The following CCDC91 variants were observed in gnomAD, a reference collection of about 807,000 sequenced individuals.
CCDC91 encodes the protein coiled-coil domain-containing protein 91.
Under a neutral mutation model 63.2 loss-of-function variants are expected in CCDC91, and 48 were observed. The observed-to-expected ratio is 0.76, with a 90% CI of 0.60 to 0.97. The LOEUF is 0.97. Among genes scored for constraint, CCDC91 ranks in the 50% least tolerant of loss-of-function variants. CCDC91 has a pLI of 0.00. For synonymous variants in CCDC91, 167 were observed against 165.8 expected (o/e 1.01, Z -0.06); for missense variants, 500 against 494.6 (o/e 1.01, Z -0.10).
At chr12:28,498,687 C>T (rs1343100235) in intron 12 of CCDC91, among the ~76,000 whole-genome samples, 1 of 151,650 alleles carries the variant, frequency 6.6e-6, no homozygotes. Context: ...TTTATAGTAT[C>T]ACTACTCTAT....
intron 6 of CCDC91, among the ~76,000 whole-genome samples, chr12:28,359,093 A>G (rs1218362747): frequency 6.6e-6 from 1 of 152,122 alleles, no homozygotes; most frequent in East Asian, 1.9e-4. Flanking sequence ...ACAGGGTTTC[A>G]CTATGTTGGC....
chr12:28,323,599 A>G (rs1403470411), intron 6 of CCDC91, among the ~76,000 whole-genome samples: 2 of 151,962 alleles, frequency 1.3e-5, no homozygotes, highest in African/African-American at 4.8e-5. Context: ...GTTACTCTTA[A>G]CAGTTGAATT....
intron 6 of CCDC91, among the ~76,000 whole-genome samples, chr12:28,331,620 C>T (rs1941520010): frequency 6.6e-6 from 1 of 152,136 alleles, no homozygotes; most frequent in African/African-American, 2.4e-5. Context: ...CAGTTCTTTA[C>T]CCAGAGCTAG....
intron 11 of CCDC91, among the ~76,000 whole-genome samples, chr12:28,453,628 G>A (rs1949919958): frequency 1.3e-5 from 2 of 150,682 alleles, no homozygotes; most frequent in Admixed American, 1.3e-4. Context: ...AATAACAGTA[G>A]TACAGTAGCA....
intron 12 of CCDC91, among the ~76,000 whole-genome samples, chr12:28,491,962 G>GGTGTGTGTGT (rs56946212): frequency 4.1e-5 from 6 of 146,786 alleles, no homozygotes; most frequent in Non-Finnish European, 9.0e-5. Flanking sequence ...AAGGTGTTGG[G>GGTGTGTGTGT]GTGTGTGTGT....
intron 3 of CCDC91, among the ~76,000 whole-genome samples, chr12:28,298,111 C>T (rs1430837232): frequency 2.4e-5 from 3 of 124,544 alleles, no homozygotes; most frequent in African/African-American, 8.3e-5. Flanking sequence ...TTTTCTTTCA[C>T]AGATGCTATT....
intron 6 of CCDC91, among the ~76,000 whole-genome samples, chr12:28,312,416 C>G (rs1315191673): frequency 6.6e-6 from 1 of 151,864 alleles, no homozygotes; most frequent in Non-Finnish European, 1.5e-5. Flanking sequence ...ACTGTAAATA[C>G]CTGATTCAGG....
At chr12:28,525,226 A>G (rs1006852883) in intron 12 of CCDC91, among the ~76,000 whole-genome samples, 5 of 152,010 alleles carry the variant, frequency 3.3e-5, no homozygotes, top group Non-Finnish European at 2.9e-5. Flanking sequence ...ACTCTTTGAT[A>G]TAGGCGTTTA....
At chr12:28,339,365 A>G (rs1236361327) in intron 6 of CCDC91, among the ~76,000 whole-genome samples, 8 of 151,762 alleles carry the variant, frequency 5.3e-5, no homozygotes, top group Non-Finnish European at 7.4e-5. Flanking sequence ...ATCCAGTTAG[A>G]TAGTTGAATA....
At chr12:28,441,687 G>A (rs1413323344) in intron 8 of CCDC91, among the ~76,000 whole-genome samples, 1 of 144,600 alleles carries the variant, frequency 6.9e-6, no homozygotes, top group African/African-American at 2.5e-5. Context: ...TATCTCATGT[G>A]TATATATATA....
intron 7 of CCDC91, among the ~76,000 whole-genome samples, chr12:28,370,810 C>T (rs980023068): frequency 1.5e-4 from 22 of 147,616 alleles, no homozygotes; most frequent in Non-Finnish European, 1.5e-4. Flanking sequence ...GCACCTTCTT[C>T]GCAAGACAGC....
intron 6 of CCDC91, among the ~76,000 whole-genome samples, chr12:28,308,347 C>T (rs1366324380): frequency 6.6e-6 from 1 of 152,014 alleles, no homozygotes; most frequent in Non-Finnish European, 1.5e-5. Flanking sequence ...CATTATTTCT[C>T]CCTTGGATTA....
rs938631710 is a variant in CCDC91, at chr12:28,483,971, G to C, written c.1102-81G>C. Reference sequence around the variant, plus strand: ...AGAATGAGCTGAAACCCGCTGAAGAGGATGTTTAGTTTATATGAAATGGAC... The same window carrying C: ...AGAATGAGCTGAAACCCGCTGAAGACGATGTTTAGTTTATATGAAATGGAC... On this transcript the variant is annotated intron_variant, in intron 11 of 12. Transcript: ENST00000536442. The C allele has an allele frequency of 1.4e-5, 10 of 717,710 alleles. No homozygotes were observed. In the African/African-American group the frequency reaches 1.8e-4, roughly 13 times the overall value. 44.5% of individuals were successfully genotyped at this position (717,710 alleles called of 1,614,324 possible). A position where few individuals can be genotyped will look rare whatever the true frequency, so the allele number is the denominator to read the frequency against.
At chr12:28,394,262 T>C (rs150570404) in intron 8 of CCDC91, among the ~76,000 whole-genome samples, 3,848 of 152,194 alleles carry the variant, frequency 0.025, 55 homozygotes, top group Non-Finnish European at 0.035. Context: ...GTCAGAAGAT[T>C]GAGACCATCC....
intron 1 of CCDC91, among the ~76,000 whole-genome samples, chr12:28,239,835 A>G (rs1216951651): frequency 2.0e-5 from 3 of 152,276 alleles, no homozygotes; most frequent in African/African-American, 7.2e-5. Flanking sequence ...TTATTTGAGT[A>G]CTAGAAGGAG....
At chr12:28,336,901 GATTATT>G in intron 6 of CCDC91, among the ~76,000 whole-genome samples, 1 of 151,126 alleles carries the variant, frequency 6.6e-6, no homozygotes, top group Non-Finnish European at 1.5e-5. Context: ...TATTTATATG[GATTATT>G]ACATGTAATT....
At position 28,380,242 on chromosome 12, in the gene CCDC91, G is replaced by A. The variant is rs184868293; in HGVS notation, c.655-11062G>A. 5.1e-3 allele frequency among the ~76,000 whole-genome samples: 777 copies of A among 152,148 alleles called. 8 individuals carry two copies. Among genetic ancestry groups the A allele is most frequent in the Middle Eastern group, 0.014 (4 of 294 alleles). ...TAATGTAACTGACGAGTTGATGGGT[G>A]CAACAAACCAACATGGCACGTGTAT... is the stretch of plus-strand genomic sequence containing the variant. On this transcript the variant is annotated intron_variant, in intron 7 of 12. Coordinates refer to ENST00000536442, the MANE Select transcript of CCDC91 (RefSeq NM_018318.5).
At chr12:28,433,756 T>C (rs1222977945) in intron 8 of CCDC91, among the ~76,000 whole-genome samples, 2 of 151,946 alleles carry the variant, frequency 1.3e-5, no homozygotes, top group Non-Finnish European at 2.9e-5. Context: ...TGGTAGAATG[T>C]TAATTGAAAT....
At chr12:28,274,451 T>C (rs1948039105) in intron 3 of CCDC91, among the ~76,000 whole-genome samples, 1 of 152,168 alleles carries the variant, frequency 6.6e-6, no homozygotes, top group Admixed American at 6.5e-5. Flanking sequence ...ATTTTCACGA[T>C]ATTGATTCTT....
Sources: gnomAD v4.1 joint callset for allele counts (sites outside exome capture counted in the v4.1 genomes callset) on GRCh38, gnomAD v4.1.1 for gene constraint, MANE v1.5 for transcripts, NCBI Gene and HGNC (gene_info 2026-07-23, HGNC 2026-07-21) for gene names.